The following TMEM51 variants were observed in gnomAD, a reference collection of about 807,000 sequenced individuals.
The protein encoded by TMEM51 is transmembrane protein 51, also known as chromosome 1 open reading frame 72.
TMEM51 carries 8 observed loss-of-function variants against 13.6 expected under a neutral mutation model. The ratio of observed to expected loss-of-function variants is 0.59; its 90% CI spans 0.35 to 1.07. The LOEUF is 1.07. Ranked by LOEUF, TMEM51 falls within the 50% of genes least tolerant of loss-of-function variation. TMEM51 has a pLI of 0.02. For synonymous variants in TMEM51, 147 were observed against 144.4 expected (o/e 1.02, Z -0.13); for missense variants, 279 against 330.7 (o/e 0.84, Z 1.21).
At chr1:15,218,724 C>A (rs181508481) in intron 3 of TMEM51, among the ~76,000 whole-genome samples, 2 of 152,266 alleles carry the variant, frequency 1.3e-5, no homozygotes, top group East Asian at 3.9e-4. Flanking sequence ...ACACTCTCAC[C>A]AGTGCCATGA....
chr1:15,199,523 C>T (rs972533525), intron 1 of TMEM51, among the ~76,000 whole-genome samples: 7 of 152,152 alleles, frequency 4.6e-5, no homozygotes, highest in Admixed American at 4.6e-4. Flanking sequence ...CCAGCTTTCC[C>T]TGCAGCATCA....
intron 1 of TMEM51, chr1:15,168,612 A>T (rs1246180836): frequency 7.7e-7 from 1 of 1,304,548 alleles, no homozygotes; most frequent in East Asian, 5.5e-5. Context: ...GACGAAGGCC[A>T]TAGAGTTCTT....
At chr1:15,209,183 A>T (rs1046174066) in intron 1 of TMEM51, among the ~76,000 whole-genome samples, 2 of 151,664 alleles carry the variant, frequency 1.3e-5, no homozygotes, top group Admixed American at 6.6e-5. Flanking sequence ...AGATCCTCCC[A>T]CCTCAACCTC....
chr1:15,168,131 C>A (rs527744075), intron 1 of TMEM51, among the ~76,000 whole-genome samples: 4 of 152,136 alleles, frequency 2.6e-5, no homozygotes, highest in Non-Finnish European at 5.9e-5. Context: ...GCCTGGTCAT[C>A]AAAGCAATAA....
intron 1 of TMEM51, among the ~76,000 whole-genome samples, chr1:15,210,062 G>T (rs1206352016): frequency 1.3e-5 from 2 of 152,114 alleles, no homozygotes; most frequent in African/African-American, 4.8e-5. Context: ...GAGGGAGACG[G>T]GGAGGGAAGG....
At chr1:15,175,204 A>C (rs1036330525) in intron 1 of TMEM51, among the ~76,000 whole-genome samples, 1 of 152,166 alleles carries the variant, frequency 6.6e-6, no homozygotes, top group Non-Finnish European at 1.5e-5. Flanking sequence ...GTTCAAGACC[A>C]GCCTGGCCAA....
At chr1:15,196,410 G>A (rs1397901759) in intron 1 of TMEM51, among the ~76,000 whole-genome samples, 1 of 151,966 alleles carries the variant, frequency 6.6e-6, no homozygotes, top group African/African-American at 2.4e-5. Flanking sequence ...GTGTGTGTGT[G>A]CGTGTGCATG....
At chr1:15,168,744 C>A in intron 1 of TMEM51, 2 of 1,304,378 alleles carry the variant, frequency 1.5e-6, no homozygotes, top group Non-Finnish European at 2.0e-6. Context: ...CAGAAAGGAG[C>A]AGACAAACTT....
At chr1:15,156,737 A>G (rs563486570) in intron 1 of TMEM51, among the ~76,000 whole-genome samples, 62 of 152,172 alleles carry the variant, frequency 4.1e-4, no homozygotes, top group African/African-American at 1.5e-3. Context: ...TCATTTGACA[A>G]ACAAAACTCA....
At chr1:15,175,552 G>T (rs749601295) in intron 1 of TMEM51, among the ~76,000 whole-genome samples, 1 of 152,218 alleles carries the variant, frequency 6.6e-6, no homozygotes, top group Non-Finnish European at 1.5e-5. Flanking sequence ...CTGTTCTCAT[G>T]TGGCTAATAA....
chr1:15,201,823 AAC>A (rs1644161601), intron 1 of TMEM51, among the ~76,000 whole-genome samples: 1 of 152,162 alleles, frequency 6.6e-6, no homozygotes, highest in South Asian at 2.1e-4. Context: ...GGGCAGGACA[AAC>A]TTTCTCAAAC....
At chr1:15,158,452 CTG>C (rs1642660036) in intron 1 of TMEM51, among the ~76,000 whole-genome samples, 1 of 152,098 alleles carries the variant, frequency 6.6e-6, no homozygotes, top group Non-Finnish European at 1.5e-5. Context: ...TTTATTTTTG[CTG>C]TGTTTGTTTT....
rs181399782 is a variant in TMEM51, at chr1:15,167,099, G to A, written c.-267+13145G>A. Among the ~76,000 whole-genome samples, 731 of 152,070 alleles carry A rather than the reference G, an allele frequency of 4.8e-3. 4 individuals carry two copies. The highest frequency in any genetic ancestry group is 6.8e-3 in the Non-Finnish European group (462 of 67,980). ...TCCCAGCACTTTGGGAGGCCGAGGC[G>A]GGCAGATCACGAGGTCAGGAGATCG... On this transcript the variant is annotated intron_variant, in intron 1 of 3. Coordinates refer to ENST00000376008, the MANE Select transcript of TMEM51 (RefSeq NM_001136218.2).
intron 1 of TMEM51, among the ~76,000 whole-genome samples, chr1:15,180,720 T>A (rs1213419990): frequency 6.6e-6 from 1 of 152,204 alleles, no homozygotes; most frequent in Non-Finnish European, 1.5e-5. Flanking sequence ...TGGCCGTACT[T>A]CTTCCCTCAC....
rs1644274853 is a variant in TMEM51 at position 15,207,667 on chromosome 1, A to G, written c.-266-2823A>G. The stretch of plus-strand genomic sequence containing the variant: ...TGGCCAGGGGTGTGCACACGAGTGG[A>G]AAGAGCCTCTGCCCAGCGTGGAGCG... On this transcript the variant is annotated intron_variant, in intron 1 of 3. Coordinates refer to ENST00000376008, the MANE Select transcript of TMEM51 (RefSeq NM_001136218.2). The surrounding 1 kb of genome is among the most constrained non-coding windows in gnomAD (Gnocchi z 4.6). 1.3e-5 allele frequency among the ~76,000 whole-genome samples: 2 copies of G among 152,168 alleles called. No individual in the cohort carries two copies. Among genetic ancestry groups the G allele is most frequent in the South Asian group, 2.1e-4 (1 of 4,826 alleles).
At chr1:15,212,870 TAAAC>T (rs1266215841) in intron 2 of TMEM51, among the ~76,000 whole-genome samples, 12 of 152,256 alleles carry the variant, frequency 7.9e-5, no homozygotes, top group African/African-American at 2.7e-4. Flanking sequence ...CATGTGTGCA[TAAAC>T]ATATATGCAC....
intron 1 of TMEM51, among the ~76,000 whole-genome samples, chr1:15,202,381 A>T (rs1644172892): frequency 6.6e-6 from 1 of 152,210 alleles, no homozygotes; most frequent in Non-Finnish European, 1.5e-5. Flanking sequence ...CTGCCATAAC[A>T]AATTACCCCA....
chr1:15,165,671 C>T (rs1642969771), intron 1 of TMEM51, among the ~76,000 whole-genome samples: 1 of 152,156 alleles, frequency 6.6e-6, no homozygotes, highest in Non-Finnish European at 1.5e-5. Flanking sequence ...TTAATTTCAA[C>T]AGTATTTTTT....
At chr1:15,153,398 C>T (rs986474705), upstream of TMEM51, among the ~76,000 whole-genome samples, 3 of 147,854 alleles carry the variant, frequency 2.0e-5, no homozygotes, top group Non-Finnish European at 4.4e-5. Flanking sequence ...GTCACACACA[C>T]GCGCGTGCGC....
Sources: gnomAD v4.1 joint callset for allele counts (sites outside exome capture counted in the v4.1 genomes callset) on GRCh38, gnomAD v4.1.1 for gene constraint, Gnocchi (gnomAD v3.1) non-coding constraint, MANE v1.5 for transcripts, NCBI Gene and HGNC (gene_info 2026-07-23, HGNC 2026-07-21) for gene names.